The following SESTD1 variants were observed in gnomAD, a reference collection of about 807,000 sequenced individuals.
SESTD1 encodes the protein SEC14 domain and spectrin repeat-containing protein 1.
SESTD1 carries 43 observed loss-of-function variants against 101.7 expected under a neutral mutation model. That is an observed-to-expected ratio of 0.42 (90% confidence interval 0.33 to 0.55). SESTD1 has a LOEUF of 0.55. SESTD1 is among the 20% of genes least tolerant of loss of function. The pLI, the probability that SESTD1 is intolerant of heterozygous loss-of-function variation, is 0.07. For synonymous variants in SESTD1, 283 were observed against 286.8 expected, an observed-to-expected ratio of 0.99 and a Z score of 0.13; for missense variants, 647 against 815.1, an observed-to-expected ratio of 0.79 and a Z score of 2.51.
intron 1 of SESTD1, among the ~76,000 whole-genome samples, chr2:179,199,472 T>G (rs2046465834): frequency 6.6e-6 from 1 of 152,228 alleles, no homozygotes; most frequent in Non-Finnish European, 1.5e-5. Context: ...AGCATCATCC[T>G]GATACCAAAG....
intron 16 of SESTD1, among the ~76,000 whole-genome samples, chr2:179,113,380 C>G (rs745935211): frequency 6.6e-6 from 1 of 152,146 alleles, no homozygotes; most frequent in African/African-American, 2.4e-5. Context: ...AACAACTGAT[C>G]TGCTGGCTTG....
At chr2:179,121,419 T>C (rs1270182856) in intron 13 of SESTD1, among the ~76,000 whole-genome samples, 2 of 152,140 alleles carry the variant, frequency 1.3e-5, no homozygotes, top group African/African-American at 4.8e-5. Context: ...GATGACAAGT[T>C]TAATGGCAAC....
At chr2:179,149,441 A>G (rs2045470721) in intron 6 of SESTD1, 47 bp from the exon 7 acceptor site, 2 of 1,257,204 alleles carry the variant, frequency 1.6e-6, no homozygotes, top group African/African-American at 3.1e-5. Context: ...CTTAAAAATT[A>G]ATATGTAATA....
chr2:179,216,523 A>G lies in SESTD1; in HGVS notation c.-25-24657T>C, dbSNP rs535444269. The stretch of plus-strand genomic sequence containing the variant: ...AGAATATTCCATGCTCATGGATAGG[A>G]AGAATCAATATTGTGAAAATGGCCA... On this transcript the variant is annotated intron_variant, in intron 1 of 17. Transcript: ENST00000428443. Among the ~76,000 whole-genome samples, 5 of 135,608 alleles carry G rather than the reference A, an allele frequency of 3.7e-5. 1 individual carries two copies. The South Asian group carries it at 1.4e-3, about 38-fold the overall frequency. 89.0% of individuals were successfully genotyped at this position (135,608 alleles called of 152,430 possible).
At chr2:179,198,086 A>G (rs1181473908) in intron 1 of SESTD1, among the ~76,000 whole-genome samples, 1 of 152,216 alleles carries the variant, frequency 6.6e-6, no homozygotes, top group East Asian at 1.9e-4. Context: ...AGAGACACAC[A>G]TAGGCTCAAA....
chr2:179,194,287 C>T (rs191136906), intron 1 of SESTD1, among the ~76,000 whole-genome samples: 26 of 152,258 alleles, frequency 1.7e-4, no homozygotes, highest in Admixed American at 7.2e-4. Context: ...CAGAGGCCAC[C>T]TATGATCTCA....
chr2:179,123,682 C>A (rs1283280450), intron 12 of SESTD1, 33 bp downstream of exon 12: 16 of 1,191,274 alleles, frequency 1.3e-5, no homozygotes, highest in South Asian at 2.8e-5. Context: ...AAAAAAAAAA[C>A]CTTATGTTTC....
chr2:179,122,298 A>C (rs1170466244), intron 12 of SESTD1, among the ~76,000 whole-genome samples: 1 of 152,232 alleles, frequency 6.6e-6, no homozygotes, highest in East Asian at 1.9e-4. Context: ...TCCAACTTAT[A>C]GGAGAACAAG....
intron 3 of SESTD1, 67 bp downstream of exon 3, chr2:179,183,013 T>C (rs895006584): frequency 9.2e-6 from 10 of 1,086,480 alleles, no homozygotes; most frequent in African/African-American, 3.2e-5. Context: ...AATTCAACAA[T>C]AGAAAGAATC....
chr2:179,243,876 A>G (rs908047509), intron 1 of SESTD1, among the ~76,000 whole-genome samples: 3 of 151,634 alleles, frequency 2.0e-5, no homozygotes, highest in African/African-American at 4.8e-5. Context: ...CCATGTAACA[A>G]ACTACATATG....
chr2:179,260,520 G>GA (rs1322503529), intron 1 of SESTD1, among the ~76,000 whole-genome samples: 13 of 143,952 alleles, frequency 9.0e-5, no homozygotes, highest in South Asian at 2.2e-4. Flanking sequence ...TGTCTCAAAA[G>GA]AAAAAAAAAA....
At chr2:179,198,995 CA>C (rs1022724964) in intron 1 of SESTD1, among the ~76,000 whole-genome samples, 2 of 151,994 alleles carry the variant, frequency 1.3e-5, no homozygotes, top group African/African-American at 4.8e-5. Flanking sequence ...AAAAATCCTT[CA>C]AAAAATTAAA....
At chr2:179,226,646 A>G (rs1302201309) in intron 1 of SESTD1, among the ~76,000 whole-genome samples, 4 of 152,212 alleles carry the variant, frequency 2.6e-5, no homozygotes. Flanking sequence ...TGACTCAGAA[A>G]AGAAACAGAT....
chr2:179,121,641 CA>C, intron 13 of SESTD1, 128 bp downstream of exon 13: 4 of 663,408 alleles, frequency 6.0e-6, no homozygotes, highest in Non-Finnish European at 8.9e-6. Context: ...TCACATTCAC[CA>C]AAAACCTACT....
At chr2:179,116,862 C>A (rs752867798) in intron 14 of SESTD1, 72 bp from the exon 15 acceptor site, 89 of 1,549,590 alleles carry the variant, frequency 5.7e-5, no homozygotes, top group Admixed American at 7.3e-5. Flanking sequence ...GTCATTTATA[C>A]AGAGATTACT....
chr2:179,135,301 A>G (rs992350977), intron 9 of SESTD1, among the ~76,000 whole-genome samples: 4 of 152,168 alleles, frequency 2.6e-5, no homozygotes, highest in Non-Finnish European at 4.4e-5. Context: ...AAATCTTTCC[A>G]TATTTTTTAA....
chr2:179,112,593 T>C (rs570038861), intron 17 of SESTD1, 131 bp downstream of exon 17: 1 of 1,097,826 alleles, frequency 9.1e-7, no homozygotes, highest in African/African-American at 1.6e-5. Context: ...TTAAACTAAT[T>C]CATCGTAGGA....
At chr2:179,226,851 A>G (rs907306924) in intron 1 of SESTD1, among the ~76,000 whole-genome samples, 1 of 152,218 alleles carries the variant, frequency 6.6e-6, no homozygotes, top group Admixed American at 6.5e-5. Flanking sequence ...TGCGCAATAA[A>G]TATTTGTTGA....
intron 9 of SESTD1, among the ~76,000 whole-genome samples, chr2:179,134,552 T>A (rs2045093305): frequency 1.3e-5 from 2 of 152,186 alleles, no homozygotes; most frequent in Admixed American, 1.3e-4. Context: ...CCAATTTCCA[T>A]CAATTCTAAG....
Sources: gnomAD v4.1 joint callset for allele counts (sites outside exome capture counted in the v4.1 genomes callset) on GRCh38, gnomAD v4.1.1 for gene constraint, MANE v1.5 for transcripts, NCBI Gene and HGNC (gene_info 2026-07-23, HGNC 2026-07-21) for gene names.